The following EPG5 variants were observed in gnomAD, a reference collection of about 807,000 sequenced individuals.
The protein encoded by EPG5 is ectopic P granules protein 5 homolog.
Under a neutral mutation model 302.7 loss-of-function variants are expected in EPG5, and 159 were observed. The observed-to-expected ratio is 0.53, with a 90% confidence interval of 0.46 to 0.60. EPG5 has a LOEUF of 0.60. EPG5 is among the 20% of genes least tolerant of loss of function. EPG5 has a pLI of 0.00. For synonymous variants in EPG5, 1,158 were observed against 1,136.8 expected (o/e 1.02, Z -0.37); for missense variants, 2,896 against 3,092.4 (o/e 0.94, Z 1.51).
chr18:45,943,105 T>G, intron 9 of EPG5, 56 bp downstream of exon 9: 1 of 1,554,908 alleles, frequency 6.4e-7, no homozygotes, highest in Non-Finnish European at 8.8e-7. Flanking sequence ...TTATGCAGTA[T>G]CTGTGTCTGA....
chr18:45,892,515 C>T (rs1217816026), intron 27 of EPG5, among the ~76,000 whole-genome samples: 4 of 152,142 alleles, frequency 2.6e-5, no homozygotes, highest in African/African-American at 9.7e-5. Context: ...TCTTTTCCAT[C>T]GTTCATTTCT....
Position 45,967,194 on chromosome 18 carries a change from T to C in EPG5, c.46A>G (p.Ser16Gly). 2 of 1,603,286 alleles carry C rather than the reference T, an allele frequency of 1.2e-6. No individual in the cohort carries two copies. Among genetic ancestry groups the C allele is most frequent in the Non-Finnish European group, 1.7e-6 (2 of 1,174,656 alleles). The change falls in exon 1 of 44, where the codon AGC becomes GGC. Residue 16 changes from serine to glycine, a missense_variant. By Grantham distance (56) the Ser-to-Gly change is moderately conservative. Transcript: ENST00000282041. ...ATCCTCACCTTTGTTTTAGTCCGGC[T>C]GGCCTTGGCCTTGGCCCGGCGCTGG... ...KPQRRAKAKA[S>G]RTKTKEKKKY...
intron 25 of EPG5, 110 bp from the exon 26 acceptor site, chr18:45,901,277 T>TA: frequency 1.1e-6 from 1 of 897,860 alleles, no homozygotes; most frequent in South Asian, 1.8e-5. Flanking sequence ...TTTATAGTCT[T>TA]ACGATAGTTG....
rs2048682080 is a variant in EPG5 at position 45,863,685 on chromosome 18, TC to T, written c.6766+1929del. 2.0e-5 allele frequency among the ~76,000 whole-genome samples: 3 copies of T among 152,320 alleles called. No individual in the cohort carries two copies. In the South Asian group the frequency reaches 6.2e-4, roughly 32 times the overall value. On this transcript the variant is annotated intron_variant, in intron 39 of 43. Transcript: ENST00000282041. ...TTAGTTTACAATTCTAGGTTATGAG[TC>T]ATTTTCTCATAGCACATTGAAGTTG...
rs777462204 is a variant in EPG5, at chr18:45,865,613, A to C, written c.6766+2T>G. The C allele has an allele frequency of 1.2e-6, 2 of 1,613,974 alleles. No homozygotes were observed. Among genetic ancestry groups the C allele is most frequent in the Non-Finnish European group, 8.5e-7 (1 of 1,179,918 alleles). ...ATACAGGACTTCCGACTGGTCACTTACCGGGCGGGTTAAAGACAATGATAT... is the reference window on the plus strand; with the variant it reads ...ATACAGGACTTCCGACTGGTCACTTCCCGGGCGGGTTAAAGACAATGATAT... On this transcript the variant is annotated splice_donor_variant, in intron 39 of 43. Transcript: ENST00000282041. LOFTEE classifies it high-confidence loss of function.
chr18:45,818,944 G>T, the EPG5 span, among the ~76,000 whole-genome samples: 1 of 152,076 alleles, frequency 6.6e-6, no homozygotes, highest in African/African-American at 2.4e-5. Context: ...ATGTTGGCCA[G>T]GCTGGTTTCG....
chr18:45,877,911 G>A (rs2049007726), intron 34 of EPG5, among the ~76,000 whole-genome samples: 1 of 152,160 alleles, frequency 6.6e-6, no homozygotes, highest in African/African-American at 2.4e-5. Context: ...ACTGAATTTG[G>A]ACAGCTCTAT....
chr18:45,945,547 G>A (rs1379154415), intron 7 of EPG5, among the ~76,000 whole-genome samples: 2 of 152,208 alleles, frequency 1.3e-5, no homozygotes, highest in Admixed American at 1.3e-4. Flanking sequence ...CAAATATTTT[G>A]ACTGGAAGTA....
At chr18:45,837,436 C>G in the EPG5 span, 1 of 1,402,306 alleles carries the variant, frequency 7.1e-7, no homozygotes, top group Non-Finnish European at 9.2e-7. Context: ...TTTCCTGGGT[C>G]GTGGGGTTTC....
chr18:45,837,787 C>G, the EPG5 span: 211,044 of 1,522,336 alleles, frequency 0.14, 19,572 homozygotes, highest in Admixed American at 0.4. Flanking sequence ...CGCTGCGCGT[C>G]GAGCGCCTCG....
the EPG5 span, among the ~76,000 whole-genome samples, chr18:45,816,765 G>C: frequency 6.6e-6 from 1 of 152,126 alleles, no homozygotes; most frequent in African/African-American, 2.4e-5. Context: ...CCCACTACTG[G>C]GTGTCTACTC....
At position 45,889,798 on chromosome 18, in the gene EPG5, G is replaced by A. The variant is rs532605075; in HGVS notation, c.4952C>T (p.Thr1651Met). ...EAAVHAENLI[T>M]ALVNAYKLQP... ...AAATTATAATGCCTGCAAAACTTAC[G>A]TGATCAAGTTTTCTGCATGTACAGC... Residue 1651 changes from threonine (T) to methionine (M), a missense_variant and splice_region_variant, in exon 28 of 44, where the codon ACG (threonine) becomes ATG (methionine). This residue lies in a region of EPG5 where 790 missense variants were observed against 798.0 expected (regional missense o/e 0.99). Coordinates refer to ENST00000282041, the MANE Select transcript of EPG5 (RefSeq NM_020964.3). 5.0e-6 allele frequency: 8 copies of A among 1,597,382 alleles called. No individual in the cohort carries two copies. The highest frequency in any genetic ancestry group is 1.3e-5 in the African/African-American group (1 of 74,432).
chr18:45,899,837 T>C (rs896031746), intron 26 of EPG5, among the ~76,000 whole-genome samples: 27 of 152,304 alleles, frequency 1.8e-4, no homozygotes, highest in East Asian at 1.9e-4. Flanking sequence ...ATCCATGTTA[T>C]ACCAACAGAC....
chr18:45,919,880 A>G (rs1213033018), intron 16 of EPG5, among the ~76,000 whole-genome samples: 1 of 152,160 alleles, frequency 6.6e-6, no homozygotes, highest in Non-Finnish European at 1.5e-5. Context: ...CATTTTAGAG[A>G]TGGGAAACCT....
In EPG5 at chr18:45,880,217, G is replaced by A. The variant is rs367619633; in HGVS notation, c.5525C>T (p.Ala1842Val). The change falls in exon 32 of 44, where the codon GCG becomes GTG. Residue 1842 changes from alanine (A) to valine (V), a missense_variant. Ala to Val is a moderately conservative substitution (Grantham distance 64). Coordinates refer to ENST00000282041, the MANE Select transcript of EPG5 (RefSeq NM_020964.3). ...DILRLLMQSSAEQLLSPECWK... is the reference protein window; with the variant it reads ...DILRLLMQSSVEQLLSPECWK... ...ACACTCGGGGCTCAGAAGCTGCTCC[G>A]CGGAGCCTGCCAGCAGGGACAGGAA... is the stretch of plus-strand genomic sequence containing the variant. 17 of 1,594,366 alleles carry A rather than the reference G, an allele frequency of 1.1e-5. No individual in the cohort carries two copies. The highest frequency in any genetic ancestry group is 1.7e-4 in the Middle Eastern group (1 of 5,966).
chr18:45,898,470 T>A (rs1479328026), intron 27 of EPG5, among the ~76,000 whole-genome samples: 1 of 152,238 alleles, frequency 6.6e-6, no homozygotes, highest in African/African-American at 2.4e-5. Flanking sequence ...GAAGCTTCCA[T>A]TGTGAAGTGC....
Position 45,927,214 on chromosome 18 carries a change from C to T in EPG5, c.2554-1312G>A, listed in dbSNP as rs555529363. ...CACCCGGCTAATTTGTTTTTTTTTCCATTTTTAGTAGAGACGGGATTTCAC... is the reference window on the plus strand; with the variant it reads ...CACCCGGCTAATTTGTTTTTTTTTCTATTTTTAGTAGAGACGGGATTTCAC... On this transcript the variant is annotated intron_variant, in intron 13 of 43. Coordinates refer to ENST00000282041, the MANE Select transcript of EPG5 (RefSeq NM_020964.3). Among the ~76,000 whole-genome samples the T allele has an allele frequency of 3.0e-4, 46 of 151,590 alleles. 1 individual carries two copies. The highest frequency in any genetic ancestry group is 2.6e-3 in the Admixed American group (40 of 15,268).
chr18:45,875,781 G>A lies in EPG5; in HGVS notation c.6049+455C>T, dbSNP rs181555843. 7.2e-5 allele frequency among the ~76,000 whole-genome samples: 11 copies of A among 152,292 alleles called. No homozygotes were observed. The East Asian group carries it at 9.6e-4, about 13-fold the overall frequency. ...GAAGTTACACACCTAAAGGCCGGGC[G>A]TGGTGGCTCACACCTGTAATCCTAG... On this transcript the variant is annotated intron_variant, in intron 35 of 43. Transcript: ENST00000282041.
In EPG5 at chr18:45,908,029, C is replaced by A; in HGVS notation, c.4258G>T (p.Asp1420Tyr). 1 of 1,593,944 alleles carries A rather than the reference C, an allele frequency of 6.3e-7. No individual in the cohort carries two copies. The highest frequency in any genetic ancestry group is 8.5e-7 in the Non-Finnish European group (1 of 1,170,928). ...WLEDENFQKG[D>Y]TYIPSLPKHY... ...TTTGGTAGAGAAGGGATATAGGTATCTCCTTTTTGAAAATTCTCATCTTCT... is the reference window on the plus strand; with the variant it reads ...TTTGGTAGAGAAGGGATATAGGTATATCCTTTTTGAAAATTCTCATCTTCT... Residue 1420 changes from aspartate (D) to tyrosine (Y), a missense_variant, in exon 24 of 44, where the codon GAT becomes TAT. Asp to Tyr is a radical substitution (Grantham distance 160, BLOSUM62 -3). Around this residue, in one of 5 missense-constraint regions of EPG5, gnomAD observed 790 missense variants for 798.0 expected, o/e 0.99. Transcript: ENST00000282041.
Sources: allele counts gnomAD v4.1 joint callset (sites outside exome capture counted in the v4.1 genomes callset), GRCh38; gene constraint gnomAD v4.1.1; regional missense constraint gnomAD v4.1.1; transcripts MANE v1.5; gene names NCBI Gene and HGNC (gene_info 2026-07-23, HGNC 2026-07-21).